Variants in PPP3R1 observed in about 807,000 individuals in gnomAD.
The protein encoded by PPP3R1 is calcineurin subunit B type 1.
Under a neutral mutation model 22.6 loss-of-function variants are expected in PPP3R1, and 5 were observed. That is an observed-to-expected ratio of 0.22 (90% CI 0.12 to 0.46). PPP3R1 has a LOEUF of 0.46. Ranked by LOEUF, PPP3R1 falls within the 20% of genes least tolerant of loss-of-function variation. The probability of loss-of-function intolerance (pLI) is 0.99; values close to 1 mark genes in which losing one functional copy is unlikely to be tolerated. For missense variants in PPP3R1, 61 were observed against 203.2 expected, an observed-to-expected ratio of 0.30 and a Z score of 4.25; for synonymous variants, 56 against 65.2, an observed-to-expected ratio of 0.86 and a Z score of 0.68.
intron 2 of PPP3R1, among the ~76,000 whole-genome samples, chr2:68,205,288 G>A (rs1675095069): frequency 7.1e-6 from 1 of 141,690 alleles, no homozygotes; most frequent in South Asian, 2.2e-4. Context: ...CGTTGCCCAG[G>A]CTGCAGTGCA....
chr2:68,188,736 C>A, intron 2 of PPP3R1, 46 bp from the exon 3 acceptor site: 1 of 1,486,592 alleles, frequency 6.7e-7, no homozygotes, highest in Non-Finnish European at 8.9e-7. Flanking sequence ...AAAAATGTTC[C>A]CAAATCCTTT....
At chr2:68,249,390 ATTTGT>A (rs755727784) in intron 1 of PPP3R1, among the ~76,000 whole-genome samples, 1 of 152,166 alleles carries the variant, frequency 6.6e-6, no homozygotes, top group East Asian at 1.9e-4. Context: ...ACGGCAATAA[ATTTGT>A]TTTAAGTTCT....
chr2:68,185,291 G>A (rs1267784486), intron 5 of PPP3R1, among the ~76,000 whole-genome samples: 2 of 149,596 alleles, frequency 1.3e-5, no homozygotes, highest in Non-Finnish European at 3.0e-5. Flanking sequence ...CTTAGCTTAT[G>A]TCTTCAATAT....
At position 68,232,138 on chromosome 2, in the gene PPP3R1, CAT is replaced by C. The variant is rs1161598355; in HGVS notation, c.4-15009_4-15008del. ...ATATATATATATACACACACACACACATATATATGTATATATATATACATATA... is the reference window on the plus strand; with the variant it reads ...ATATATATATATACACACACACACACATATATGTATATATATATACATATA... On this transcript the variant is annotated intron_variant, in intron 1 of 5. Coordinates refer to ENST00000234310, the MANE Select transcript of PPP3R1 (RefSeq NM_000945.4). Among the ~76,000 whole-genome samples the C allele has an allele frequency of 1.9e-4, 16 of 82,984 alleles. 2 individuals are homozygous for C. In the South Asian group the frequency reaches 5.4e-3, roughly 28 times the overall value. The allele number at this position is 82,984 out of a possible 152,430, so 54.4% of individuals were successfully genotyped here. A position where few individuals can be genotyped will look rare whatever the true frequency, so the allele number is the denominator to read the frequency against.
chr2:68,183,933 A>G (rs967646763), intron 5 of PPP3R1, among the ~76,000 whole-genome samples: 2 of 152,172 alleles, frequency 1.3e-5, no homozygotes, highest in Non-Finnish European at 2.9e-5. Context: ...GATTTCCTAA[A>G]GAGGGCTCTT....
Position 68,179,259 on chromosome 2 carries a change from G to A in PPP3R1, c.*1704C>T, listed in dbSNP as rs1466542265. Reference sequence around the variant, plus strand: ...TTATAAGCCATGCCACTGATCCAGAGGAAGAAAGTTACATGTAGTGGAGAT... The same window carrying A: ...TTATAAGCCATGCCACTGATCCAGAAGAAGAAAGTTACATGTAGTGGAGAT... On this transcript the variant is annotated 3_prime_UTR_variant, in exon 6 of 6. Transcript: ENST00000234310. The A allele has an allele frequency of 1.3e-5, 2 of 152,642 alleles. No homozygotes were observed. The highest frequency in any genetic ancestry group is 2.4e-5 in the African/African-American group (1 of 41,454). 9.5% of individuals were successfully genotyped at this position (152,642 alleles called of 1,614,324 possible).
chr2:68,186,510 A>G lies in PPP3R1; in HGVS notation c.423T>C (p.Asp141=), dbSNP rs1674549618. Reference sequence around the variant, plus strand: ...AGGATATTCTTCCATCTCCATCCTTATCTGCATTTATTATGGTTTTGTCTA... The same window carrying G: ...AGGATATTCTTCCATCTCCATCCTTGTCTGCATTTATTATGGTTTTGTCTA... The part of the protein sequence containing the change: ...QIVDKTIINA[D]KDGDGRISFE... Residue 141 remains aspartate, a synonymous_variant, in exon 5 of 6, where the codon GAT becomes GAC. Transcript: ENST00000234310. The G allele has an allele frequency of 1.9e-6, 3 of 1,613,450 alleles. No homozygotes were observed. The South Asian group carries it at 3.3e-5, about 18-fold the overall frequency.
chr2:68,252,516 C>T lies in PPP3R1; in HGVS notation c.-389G>A, dbSNP rs1337828741. The T allele has an allele frequency of 2.2e-6, 2 of 913,718 alleles. No individual in the cohort carries two copies. Among genetic ancestry groups the T allele is most frequent in the East Asian group, 1.5e-4 (1 of 6,798 alleles). The allele number at this position is 913,718 out of a possible 1,614,324, so 56.6% of individuals were successfully genotyped here. On this transcript the variant is annotated 5_prime_UTR_variant, in exon 1 of 6. Transcript: ENST00000234310. ...ACTCACTGCAGCGGCTCGCGCTGAC[C>T]CGCAACCTCAAGGCACGAAAAAAGG...
At chr2:68,198,904 T>C (rs1280929418) in intron 2 of PPP3R1, among the ~76,000 whole-genome samples, 1 of 152,216 alleles carries the variant, frequency 6.6e-6, no homozygotes, top group African/African-American at 2.4e-5. Flanking sequence ...GTTAAACTTA[T>C]ACCTGAGTAT....
chr2:68,237,373 T>C (rs1430242867), intron 1 of PPP3R1, among the ~76,000 whole-genome samples: 1 of 152,154 alleles, frequency 6.6e-6, no homozygotes, highest in Non-Finnish European at 1.5e-5. Flanking sequence ...TTTACAAATA[T>C]AACTTTTTTT....
chr2:68,195,891 T>C (rs908794850), intron 2 of PPP3R1, among the ~76,000 whole-genome samples: 13 of 152,018 alleles, frequency 8.6e-5, no homozygotes, highest in African/African-American at 2.9e-4. Context: ...AACAACCTTT[T>C]TTTTTTTTTT....
intron 1 of PPP3R1, among the ~76,000 whole-genome samples, chr2:68,243,331 C>T (rs1670168459): frequency 1.3e-5 from 2 of 152,112 alleles, no homozygotes; most frequent in African/African-American, 2.4e-5. Flanking sequence ...CAGAATTATA[C>T]TGTCAATTCA....
rs550772741 is a variant in PPP3R1, at chr2:68,192,609, A to C, written c.44-3919T>G. Among the ~76,000 whole-genome samples, 69 of 152,312 alleles carry C rather than the reference A, an allele frequency of 4.5e-4. No individual in the cohort carries two copies. The South Asian group carries it at 5.0e-3, about 11-fold the overall frequency. On this transcript the variant is annotated intron_variant, in intron 2 of 5. Coordinates refer to ENST00000234310, the MANE Select transcript of PPP3R1 (RefSeq NM_000945.4). ...ATCAAGAAGATAGCATTTCAGTCTTAATAAATGAATAAAAAATATTAAGAA... is the reference window on the plus strand; with the variant it reads ...ATCAAGAAGATAGCATTTCAGTCTTCATAAATGAATAAAAAATATTAAGAA...
intron 1 of PPP3R1, 47 bp downstream of exon 1, chr2:68,252,078 G>T: frequency 1.4e-6 from 2 of 1,388,684 alleles, no homozygotes; most frequent in Non-Finnish European, 1.9e-6. Context: ...GACCCGGACG[G>T]CGGCAGTAGG....
intron 2 of PPP3R1, among the ~76,000 whole-genome samples, chr2:68,198,208 A>G (rs908036822): frequency 1.4e-5 from 2 of 140,426 alleles, no homozygotes; most frequent in Non-Finnish European, 3.1e-5. Context: ...ATATATGTGC[A>G]TACATATATA....
chr2:68,193,468 G>A (rs536064104), intron 2 of PPP3R1, among the ~76,000 whole-genome samples: 1 of 152,100 alleles, frequency 6.6e-6, no homozygotes, highest in Non-Finnish European at 1.5e-5. Context: ...TGAGCAACTA[G>A]AGGAATCCAT....
intron 1 of PPP3R1, among the ~76,000 whole-genome samples, chr2:68,219,948 T>C: frequency 6.6e-6 from 1 of 152,304 alleles, no homozygotes; most frequent in East Asian, 1.9e-4. Flanking sequence ...AGACTCCCCT[T>C]ACACTATACT....
In PPP3R1 at chr2:68,179,009, A is replaced by AAAAAAAAAAAAAAG. The variant is rs1553403013; in HGVS notation, c.*1953_*1954insCTTTTTTTTTTTTT. The AAAAAAAAAAAAAAG allele has an allele frequency of 2.2e-3, 271 of 121,886 alleles. No individual in the cohort carries two copies. The highest frequency in any genetic ancestry group is 3.9e-3 in the South Asian group (14 of 3,604). The allele number at this position is 121,886 out of a possible 1,614,324, so 7.6% of individuals were successfully genotyped here. ...CACACACAAACTAAAAAAAAAAAAA[A>AAAAAAAAAAAAAAG]AAAAAAAGAAAAAGAAAAAACCCTC... On this transcript the variant is annotated 3_prime_UTR_variant, in exon 6 of 6. Transcript: ENST00000234310.
rs1670390254 is a variant in PPP3R1, at chr2:68,252,442, C to G, written c.-315G>C. On this transcript the variant is annotated 5_prime_UTR_variant, in exon 1 of 6. Transcript: ENST00000234310. ...GAGGGGGAGAGGGGGCGAAGACGGC[C>G]GGGAAACTCGGGGGCTGCAGCCTCG... The G allele has an allele frequency of 1.0e-6, 1 of 992,022 alleles. No individual in the cohort carries two copies. Among genetic ancestry groups the G allele is most frequent in the South Asian group, 4.7e-5 (1 of 21,382 alleles). 61.5% of individuals were successfully genotyped at this position (992,022 alleles called of 1,614,324 possible). A position where few individuals can be genotyped will look rare whatever the true frequency, so the allele number is the denominator to read the frequency against.
Sources: gnomAD v4.1 joint callset for allele counts (sites outside exome capture counted in the v4.1 genomes callset) on GRCh38, gnomAD v4.1.1 for gene constraint, MANE v1.5 for transcripts, NCBI Gene and HGNC (gene_info 2026-07-23, HGNC 2026-07-21) for gene names.